Variants in FURIN observed in about 807,000 individuals in gnomAD.
FURIN encodes furin, paired basic amino acid cleaving enzyme, also known as FES upstream region.
A neutral mutation model predicts 89.2 loss-of-function variants in FURIN; 18 were observed. The ratio of observed to expected loss-of-function variants is 0.20; its 90% CI spans 0.14 to 0.30. FURIN has a LOEUF of 0.30. Among genes scored for constraint, FURIN ranks in the 10% least tolerant of loss-of-function variants. FURIN has a pLI of 1.00. For synonymous variants in FURIN, 508 were observed against 466.4 expected, an observed-to-expected ratio of 1.09 and a Z score of -1.15; for missense variants, 879 against 1,100.5, an observed-to-expected ratio of 0.80 and a Z score of 2.85.
At position 90,881,867 on chromosome 15, in the gene FURIN, A is replaced by C; in HGVS notation, c.2374A>C (p.Ser792Arg). 1 of 1,611,180 alleles carries C rather than the reference A, an allele frequency of 6.2e-7. No homozygotes were observed. Among genetic ancestry groups the C allele is most frequent in the Non-Finnish European group, 8.5e-7 (1 of 1,179,060 alleles). ...GAGGACCGCCTTTATCAAAGACCAGAGCGCCCTCTGATGAGCCCACTGCCC... is the reference window on the plus strand; with the variant it reads ...GAGGACCGCCTTTATCAAAGACCAGCGCGCCCTCTGATGAGCCCACTGCCC... ...GERTAFIKDQ[S>R]AL The change falls in exon 16 of 16, where the codon AGC becomes CGC. Residue 792 changes from serine to arginine, a missense_variant. Ser to Arg is a moderately radical substitution (Grantham distance 110). This residue lies in a region of FURIN where 457 missense variants were observed against 490.7 expected (regional missense o/e 0.93). Coordinates refer to ENST00000268171, the MANE Select transcript of FURIN (RefSeq NM_002569.4). This position sits in a 1 kb window ranked among gnomAD's most constrained non-coding sequence, Gnocchi z 4.3.
In FURIN at chr15:90,881,529, G is replaced by C; in HGVS notation, c.2036G>C (p.Ser679Thr). ...GTGGAGCAGACTTGCTCCCGGCAAA[G>C]CCAGAGCAGCCGAGAGTCCCCGCCA... Reference protein sequence around the residue: ...DPVEQTCSRQSQSSRESPPQQ... With the variant: ...DPVEQTCSRQTQSSRESPPQQ... The change falls in exon 16 of 16, where the codon AGC (serine) becomes ACC (threonine). Residue 679 changes from serine to threonine, a missense_variant. Coordinates refer to ENST00000268171, the MANE Select transcript of FURIN (RefSeq NM_002569.4). The surrounding 1 kb of genome is among the most constrained non-coding windows in gnomAD (Gnocchi z 4.3). 6.2e-7 allele frequency: 1 copy of C among 1,611,390 alleles called. No individual in the cohort carries two copies. Among genetic ancestry groups the C allele is most frequent in the Non-Finnish European group, 8.5e-7 (1 of 1,179,582 alleles).
chr15:90,875,020 T>A (rs1158789632), intron 1 of FURIN, among the ~76,000 whole-genome samples: 1 of 150,728 alleles, frequency 6.6e-6, no homozygotes, highest in Non-Finnish European at 1.5e-5. Flanking sequence ...TCCTGCTTCT[T>A]CTGTTACACT....
intron 1 of FURIN, among the ~76,000 whole-genome samples, chr15:90,869,626 A>C (rs1044943600): frequency 1.0e-5 from 1 of 98,494 alleles, no homozygotes; most frequent in Non-Finnish European, 2.2e-5. Flanking sequence ...ATGCAGATTG[A>C]AGAGGCAAGC....
chr15:90,877,760 G>A (rs1596077055), intron 7 of FURIN, 145 bp downstream of exon 7: 1 of 647,440 alleles, frequency 1.5e-6, no homozygotes. Context: ...TTCCCAAAGG[G>A]TCAAAGACTG....
intron 1 of FURIN, among the ~76,000 whole-genome samples, chr15:90,874,461 G>A (rs889515489): frequency 3.9e-5 from 6 of 152,240 alleles, no homozygotes; most frequent in African/African-American, 1.4e-4. Context: ...CGAGTCTGGG[G>A]CCCTGACTTT....
In FURIN at chr15:90,876,302, G is replaced by C; in HGVS notation, c.225G>C (p.Arg75=). The C allele has an allele frequency of 1.2e-6, 2 of 1,613,032 alleles. No homozygotes were observed. ...YHFWHRGVTK[R]SLSPHRPRHS... is the part of the protein sequence containing the mutation. The stretch of plus-strand genomic sequence containing the variant: ...TCTGGCATCGAGGAGTGACGAAGCG[G>C]TCCCTGTCGCCTCACCGCCCGCGGC... The change falls in exon 3 of 16, where the codon CGG becomes CGC. Residue 75 remains arginine, a synonymous_variant. Coordinates refer to ENST00000268171, the MANE Select transcript of FURIN (RefSeq NM_002569.4). The surrounding 1 kb of genome is among the most constrained non-coding windows in gnomAD (Gnocchi z 5.0).
At position 90,881,650 on chromosome 15, in the gene FURIN, C is replaced by G. The variant is rs1567085651; in HGVS notation, c.2157C>G (p.Gly719=). 1 of 1,586,236 alleles carries G rather than the reference C, an allele frequency of 6.3e-7. No homozygotes were observed. Among genetic ancestry groups the G allele is most frequent in the Non-Finnish European group, 8.6e-7 (1 of 1,163,804 alleles). Residue 719 remains glycine (G), a synonymous_variant, in exon 16 of 16, where the codon GGC becomes GGG. Coordinates refer to ENST00000268171, the MANE Select transcript of FURIN (RefSeq NM_002569.4). This position sits in a 1 kb window ranked among gnomAD's most constrained non-coding sequence, Gnocchi z 4.3. Reference sequence around the variant, plus strand: ...CACACCTGCCTGAGGTGGTGGCCGGCCTCAGCTGCGCCTTCATCGTGCTGG... The same window carrying G: ...CACACCTGCCTGAGGTGGTGGCCGGGCTCAGCTGCGCCTTCATCGTGCTGG... ...LPSHLPEVVA[G]LSCAFIVLVF...
At chr15:90,869,873 A>G (rs1030625077) in intron 1 of FURIN, among the ~76,000 whole-genome samples, 11 of 152,188 alleles carry the variant, frequency 7.2e-5, no homozygotes, top group African/African-American at 2.2e-4. Context: ...TTTCCCCTCA[A>G]TGGAGTTCTC....
In FURIN at chr15:90,879,435, TC is replaced by T. The variant is rs766557685; in HGVS notation, c.1054-7del. On this transcript the variant is annotated splice_region_variant and splice_polypyrimidine_tract_variant and intron_variant, in intron 9 of 15. Coordinates refer to ENST00000268171, the MANE Select transcript of FURIN (RefSeq NM_002569.4). ...ATCACAGGCCCCAATATGATTCTCT[TC>T]CTGGCAGGTGACGACTGACTTGCGG... The T allele has an allele frequency of 6.2e-7, 1 of 1,601,478 alleles. No individual in the cohort carries two copies. Among genetic ancestry groups the T allele is most frequent in the East Asian group, 2.2e-5 (1 of 44,828 alleles).
rs74037510 is a variant in FURIN at position 90,879,648 on chromosome 15, G to T, written c.1155-23G>T. Reference sequence around the variant, plus strand: ...TGCTCCCAAAAAAGACTGATCCCCAGCCTCTCCCTTCCTTCTTTGCAGTAA... The same window carrying T: ...TGCTCCCAAAAAAGACTGATCCCCATCCTCTCCCTTCCTTCTTTGCAGTAA... On this transcript the variant is annotated intron_variant, in intron 10 of 15. Coordinates refer to ENST00000268171, the MANE Select transcript of FURIN (RefSeq NM_002569.4). 1,608 of 1,601,360 alleles carry T rather than the reference G, an allele frequency of 1.0e-3. 21 individuals are homozygous for T. In the African/African-American group the frequency reaches 0.02, roughly 20 times the overall value.
intron 1 of FURIN, among the ~76,000 whole-genome samples, chr15:90,874,756 A>C (rs1170786795): frequency 1.3e-5 from 2 of 152,262 alleles, no homozygotes; most frequent in South Asian, 2.1e-4. Flanking sequence ...ATACAGTGAC[A>C]CAAAGAAGAA....
chr15:90,877,686 T>TTA (rs1425363706), intron 7 of FURIN, 71 bp downstream of exon 7: 1 of 1,063,836 alleles, frequency 9.4e-7, no homozygotes, highest in African/African-American at 1.6e-5. Context: ...CCACTTCCCA[T>TTA]CTGGCCAATG....
At chr15:90,871,423 G>A (rs1242810929) in intron 1 of FURIN, 1 of 98,582 alleles carries the variant, frequency 1.0e-5, no homozygotes, top group Non-Finnish European at 2.2e-5. Context: ...CCCCTACCAG[G>A]AGCCGGAGGC....
Position 90,879,758 on chromosome 15 carries a change from T to C in FURIN, c.1242T>C (p.Asn414=). The C allele has an allele frequency of 6.2e-7, 1 of 1,613,584 alleles. No individual in the cohort carries two copies. The highest frequency in any genetic ancestry group is 1.1e-5 in the South Asian group (1 of 91,080). Residue 414 remains asparagine, a synonymous_variant, in exon 11 of 16, where the codon AAT becomes AAC. Coordinates refer to ENST00000268171, the MANE Select transcript of FURIN (RefSeq NM_002569.4). The stretch of plus-strand genomic sequence containing the variant: ...TCAATGCCAACGACTGGGCCACCAA[T>C]GGTGTGGGCCGGAAAGGTGAGGGCA... The part of the protein sequence containing the change: ...AHLNANDWAT[N]GVGRKVSHSY...
At chr15:90,871,910 C>T (rs1448853476) in intron 1 of FURIN, among the ~76,000 whole-genome samples, 1 of 151,316 alleles carries the variant, frequency 6.6e-6, no homozygotes, top group Admixed American at 6.6e-5. Context: ...CGTCTCGGCC[C>T]CCCGGCCGTG....
Position 90,877,222 on chromosome 15 carries a change from G to A in FURIN, c.578+11G>A. The A allele has an allele frequency of 1.3e-6, 2 of 1,589,472 alleles. No homozygotes were observed. Among genetic ancestry groups the A allele is most frequent in the Non-Finnish European group, 1.7e-6 (2 of 1,165,036 alleles). On this transcript the variant is annotated intron_variant, in intron 6 of 15. Coordinates refer to ENST00000268171, the MANE Select transcript of FURIN (RefSeq NM_002569.4). ...GATGAATGACAACAGGTAAGAAGTG[G>A]CAGGCCCCGGTCTCTGCCTCCCTTC... is the stretch of plus-strand genomic sequence containing the variant.
chr15:90,871,780 C>A (rs2031318550), intron 1 of FURIN, among the ~76,000 whole-genome samples: 1 of 149,238 alleles, frequency 6.7e-6, no homozygotes, highest in Non-Finnish European at 1.5e-5. Flanking sequence ...AGCCCTGACC[C>A]GGGTCCCCCG....
chr15:90,870,454 T>C (rs1171885038), intron 1 of FURIN, among the ~76,000 whole-genome samples: 1 of 151,878 alleles, frequency 6.6e-6, no homozygotes, highest in Non-Finnish European at 1.5e-5. Context: ...GCCTGGCTCA[T>C]AGAAAACACT....
At position 90,880,283 on chromosome 15, in the gene FURIN, C is replaced by T. The variant is rs1381103755; in HGVS notation, c.1556+10C>T. 6.3e-7 allele frequency: 1 copy of T among 1,590,636 alleles called. No homozygotes were observed. Among genetic ancestry groups the T allele is most frequent in the Admixed American group, 1.7e-5 (1 of 58,618 alleles). The stretch of plus-strand genomic sequence containing the variant: ...CCCTGCTGGCAGCCAGGTGCTTGCT[C>T]TGTCCCTGCCCGCCCTGCCCAGCGC... On this transcript the variant is annotated intron_variant, in intron 13 of 15. Transcript: ENST00000268171.
Sources: allele counts gnomAD v4.1 joint callset (sites outside exome capture counted in the v4.1 genomes callset), GRCh38; gene constraint gnomAD v4.1.1; regional missense constraint gnomAD v4.1.1; non-coding constraint Gnocchi (gnomAD v3.1); transcripts MANE v1.5; gene names NCBI Gene and HGNC (gene_info 2026-07-23, HGNC 2026-07-21).